The following PRDM16 variants were observed in gnomAD, a reference collection of about 807,000 sequenced individuals.
The protein encoded by PRDM16 is PR/SET domain 16, also known as histone-lysine N-methyltransferase PRDM16.
A neutral mutation model predicts 110.6 loss-of-function variants in PRDM16; 23 were observed. That is an observed-to-expected ratio of 0.21 (90% CI 0.15 to 0.29). The LOEUF is 0.29. Among genes scored for constraint, PRDM16 ranks in the 10% least tolerant of loss-of-function variants. The pLI is 1.00. For synonymous variants in PRDM16, 799 were observed against 781.8 expected (o/e 1.02, Z -0.37); for missense variants, 1,615 against 1,794.3 (o/e 0.90, Z 1.81).
chr1:3,237,022 C>T (rs907101175), intron 2 of PRDM16, among the ~76,000 whole-genome samples: 6 of 152,124 alleles, frequency 3.9e-5, no homozygotes, highest in East Asian at 1.9e-4. Flanking sequence ...GAGCCCACTG[C>T]GGGGCCCCAC....
chr1:3,134,052 G>A (rs137881513), intron 1 of PRDM16, among the ~76,000 whole-genome samples: 151 of 152,354 alleles, frequency 9.9e-4, no homozygotes, highest in African/African-American at 3.4e-3. Context: ...TTCAGGGAGC[G>A]TGTCCAGTTG....
intron 8 of PRDM16, 54 bp downstream of exon 8, chr1:3,405,702 C>A: frequency 6.7e-7 from 1 of 1,490,246 alleles, no homozygotes; most frequent in Non-Finnish European, 9.0e-7. Flanking sequence ...GATGCCGTGG[C>A]GGTCGGGCCG....
At chr1:3,277,959 G>A (rs923578896) in intron 3 of PRDM16, among the ~76,000 whole-genome samples, 6 of 152,186 alleles carry the variant, frequency 3.9e-5, no homozygotes, top group Non-Finnish European at 8.8e-5. Context: ...CCGTGCATCC[G>A]GGAGCTCTAG....
chr1:3,146,674 GGT>G (rs1643665443), intron 1 of PRDM16, among the ~76,000 whole-genome samples: 3 of 146,164 alleles, frequency 2.1e-5, no homozygotes, highest in Non-Finnish European at 4.5e-5. Flanking sequence ...CTCAGTGTGG[GGT>G]GTGTGTGCAC....
Position 3,234,501 on chromosome 1 carries a change from G to A in PRDM16, c.388-9586G>A, listed in dbSNP as rs369060308. Among the ~76,000 whole-genome samples the A allele has an allele frequency of 9.7e-4, 148 of 152,284 alleles. No homozygotes were observed. In the Middle Eastern group the frequency reaches 0.01, roughly 10 times the overall value. On this transcript the variant is annotated intron_variant, in intron 2 of 16. Transcript: ENST00000270722. ...AGGCCCAGGTATCTGATTTCTAGCC[G>A]CCTGCCCGAGACGCCTGGTCCAGCA...
intron 3 of PRDM16, among the ~76,000 whole-genome samples, chr1:3,324,177 C>T (rs965116620): frequency 4.6e-5 from 7 of 152,088 alleles, no homozygotes; most frequent in East Asian, 1.9e-4. Context: ...TCTCTCCCTC[C>T]GTCTCTCCCC....
At chr1:3,262,909 C>T (rs2500251) in intron 3 of PRDM16, among the ~76,000 whole-genome samples, 34,770 of 151,788 alleles carry the variant, frequency 0.23, 5,092 homozygotes, top group African/African-American at 0.39. Context: ...GCTGCCGCGA[C>T]GGTGCTGGGA....
chr1:3,260,375 G>A (rs915912380), intron 3 of PRDM16, among the ~76,000 whole-genome samples: 4 of 152,224 alleles, frequency 2.6e-5, no homozygotes, highest in Non-Finnish European at 5.9e-5. Context: ...AGACTTGGTG[G>A]TGAAAAGAAA....
chr1:3,317,148 A>G (rs551211916), intron 3 of PRDM16, among the ~76,000 whole-genome samples: 8 of 152,320 alleles, frequency 5.3e-5, no homozygotes, highest in South Asian at 2.1e-4. Flanking sequence ...AGACGCGCCC[A>G]TCATCTGCTG....
At chr1:3,222,182 G>A (rs1215838851) in intron 2 of PRDM16, among the ~76,000 whole-genome samples, 1 of 152,202 alleles carries the variant, frequency 6.6e-6, no homozygotes, top group Non-Finnish European at 1.5e-5. Flanking sequence ...CCCTGACAAA[G>A]CAAATAACCA....
chr1:3,092,923 A>T (rs1642310208), intron 1 of PRDM16, among the ~76,000 whole-genome samples: 1 of 152,114 alleles, frequency 6.6e-6, no homozygotes, highest in African/African-American at 2.4e-5. Context: ...AGTGAGAGGC[A>T]GTCAGGGCTG....
chr1:3,242,625 T>C (rs1407341170), intron 2 of PRDM16, among the ~76,000 whole-genome samples: 2 of 152,214 alleles, frequency 1.3e-5, no homozygotes, highest in African/African-American at 4.8e-5. Flanking sequence ...CTAGCAGCCA[T>C]CACTGCCATT....
intron 2 of PRDM16, among the ~76,000 whole-genome samples, chr1:3,214,011 C>T (rs971472028): frequency 2.6e-5 from 4 of 152,120 alleles, no homozygotes; most frequent in Admixed American, 2.0e-4. Context: ...CCACTGGGTC[C>T]GCCTCGGCTG....
chr1:3,122,466 C>G (rs567702412), intron 1 of PRDM16, among the ~76,000 whole-genome samples: 29 of 152,060 alleles, frequency 1.9e-4, no homozygotes, highest in Non-Finnish European at 3.5e-4. Context: ...AGCTCTGTCC[C>G]AGAAGCAAAT....
At chr1:3,094,127 G>T (rs1016610229) in intron 1 of PRDM16, among the ~76,000 whole-genome samples, 2 of 152,212 alleles carry the variant, frequency 1.3e-5, no homozygotes, top group Non-Finnish European at 2.9e-5. Flanking sequence ...ACCTGAGTGT[G>T]CAGGGCAAGA....
intron 3 of PRDM16, among the ~76,000 whole-genome samples, chr1:3,335,602 A>AACACACGCAC (rs1553164994): frequency 1.4e-5 from 2 of 144,326 alleles, no homozygotes; most frequent in African/African-American, 5.3e-5. Context: ...CTGAGGTTAA[A>AACACACGCAC]ACACACACAC....
At chr1:3,221,994 G>A (rs34313490) in intron 2 of PRDM16, among the ~76,000 whole-genome samples, 28,563 of 152,166 alleles carry the variant, frequency 0.19, 3,986 homozygotes, top group African/African-American at 0.38. Context: ...GTAGTCTCGC[G>A]TCTTATCTGC....
chr1:3,405,599 C>T lies in PRDM16; in HGVS notation c.1137C>T (p.Ser379=), dbSNP rs748323433. The change falls in exon 8 of 17, where the codon TCC becomes TCT. Residue 379 remains serine, a synonymous_variant. Transcript: ENST00000270722. ...PDCGKTFATS[S]GLKQHKHIHS... is the part of the protein sequence containing the mutation. ...GCGGGAAGACCTTCGCCACGTCCTC[C>T]GGCCTCAAGCAGCACAAGCATATCC... The T allele has an allele frequency of 8.1e-6, 13 of 1,611,368 alleles. No individual in the cohort carries two copies. The highest frequency in any genetic ancestry group is 3.3e-5 in the Admixed American group (2 of 59,932).
intron 1 of PRDM16, among the ~76,000 whole-genome samples, chr1:3,149,442 A>T (rs1323831165): frequency 6.6e-6 from 1 of 152,110 alleles, no homozygotes; most frequent in African/African-American, 2.4e-5. Context: ...TACCCACACG[A>T]GGTGCTGTGG....
Sources: gnomAD v4.1 joint callset for allele counts (sites outside exome capture counted in the v4.1 genomes callset) on GRCh38, gnomAD v4.1.1 for gene constraint, MANE v1.5 for transcripts, NCBI Gene and HGNC (gene_info 2026-07-23, HGNC 2026-07-21) for gene names.